CPEB3: variants seen among roughly 807,000 people sequenced by gnomAD.
CPEB3 encodes cytoplasmic polyadenylation element binding protein 3, also known as cytoplasmic polyadenylation element-binding protein 3.
Under a neutral mutation model 67.2 loss-of-function variants are expected in CPEB3, and 20 were observed. The ratio of observed to expected loss-of-function variants is 0.30; its 90% CI spans 0.21 to 0.43. The LOEUF (loss-of-function observed/expected upper bound fraction) is 0.43. Ranked by LOEUF, CPEB3 falls within the 20% of genes least tolerant of loss-of-function variation. The pLI is 1.00. For missense variants in CPEB3, 746 were observed against 968.6 expected, an observed-to-expected ratio of 0.77 and a Z score of 3.05; for synonymous variants, 376 against 393.1, an observed-to-expected ratio of 0.96 and a Z score of 0.51.
chr10:92,189,713 T>A (rs1848868540), intron 3 of CPEB3, among the ~76,000 whole-genome samples: 1 of 144,728 alleles, frequency 6.9e-6, no homozygotes, highest in Non-Finnish European at 1.5e-5. Context: ...TTTTTTTTTT[T>A]TTTTTTTTTT....
At chr10:92,234,357 C>A (rs1426495408) in intron 2 of CPEB3, among the ~76,000 whole-genome samples, 1 of 152,106 alleles carries the variant, frequency 6.6e-6, no homozygotes, top group Admixed American at 6.6e-5. Context: ...ACCGATGAAT[C>A]TTCATGGTGG....
chr10:92,175,307 T>A (rs1367359737), intron 4 of CPEB3, among the ~76,000 whole-genome samples: 1 of 151,832 alleles, frequency 6.6e-6, no homozygotes, highest in East Asian at 1.9e-4. Context: ...TGTTGCTGCA[T>A]GTATTAATAG....
At chr10:92,283,192 A>C (rs1433743406) in intron 1 of CPEB3, among the ~76,000 whole-genome samples, 1 of 152,136 alleles carries the variant, frequency 6.6e-6, no homozygotes, top group Non-Finnish European at 1.5e-5. Context: ...GCAAGGCCAC[A>C]GTGAGCCATG....
chr10:92,245,026 C>T (rs933087202), intron 1 of CPEB3, among the ~76,000 whole-genome samples: 1 of 151,990 alleles, frequency 6.6e-6, no homozygotes, highest in Non-Finnish European at 1.5e-5. Flanking sequence ...TATTTCCCTT[C>T]TTCACCAATC....
At chr10:92,059,952 C>CA (rs557616121) in intron 9 of CPEB3, among the ~76,000 whole-genome samples, 5,568 of 60,502 alleles carry the variant, frequency 0.092, 406 homozygotes, top group African/African-American at 0.23. Flanking sequence ...CGAGACTCCT[C>CA]AAAAAAAAAA....
chr10:92,071,517 G>T (rs891606511), intron 9 of CPEB3, among the ~76,000 whole-genome samples: 7 of 152,020 alleles, frequency 4.6e-5, no homozygotes, highest in African/African-American at 7.3e-5. Context: ...GGATCACGAG[G>T]TCAGGAGTTC....
At chr10:92,270,949 G>A (rs1376832249) in intron 1 of CPEB3, among the ~76,000 whole-genome samples, 4 of 152,176 alleles carry the variant, frequency 2.6e-5, no homozygotes, top group Non-Finnish European at 4.4e-5. Flanking sequence ...GGCCAAGGCG[G>A]GTGGATCCCC....
intron 3 of CPEB3, among the ~76,000 whole-genome samples, chr10:92,182,869 G>A (rs1008440201): frequency 2.0e-5 from 3 of 148,976 alleles, no homozygotes; most frequent in Non-Finnish European, 4.4e-5. Flanking sequence ...CAAAACCCTC[G>A]CAAGTGAAGC....
chr10:92,254,505 G>A (rs923677114), intron 1 of CPEB3, among the ~76,000 whole-genome samples: 1 of 152,144 alleles, frequency 6.6e-6, no homozygotes, highest in Non-Finnish European at 1.5e-5. Context: ...ACAATCTGGA[G>A]AGCACCTTGG....
At chr10:92,272,100 T>C (rs898609530) in intron 1 of CPEB3, 1 of 152,224 alleles carries the variant, frequency 6.6e-6, no homozygotes, top group Non-Finnish European at 1.5e-5. Context: ...TGGTCATTGG[T>C]GTCCCTTCCA....
chr10:92,288,488 C>G (rs193097648), intron 1 of CPEB3, among the ~76,000 whole-genome samples: 100 of 150,138 alleles, frequency 6.7e-4, no homozygotes, highest in Admixed American at 1.5e-3. Flanking sequence ...AATAATGCTG[C>G]TATGAACATT....
At chr10:92,069,779 A>C (rs1289046174) in intron 9 of CPEB3, among the ~76,000 whole-genome samples, 1 of 152,240 alleles carries the variant, frequency 6.6e-6, no homozygotes, top group Non-Finnish European at 1.5e-5. Context: ...CCCAACATGA[A>C]GCTAAAATAG....
intron 1 of CPEB3, among the ~76,000 whole-genome samples, chr10:92,275,860 TTTTTTTG>T (rs1841956906): frequency 6.7e-6 from 1 of 148,630 alleles, no homozygotes. Flanking sequence ...TTTTTTTTTT[TTTTTTTG>T]AGACGAAGTC....
intron 9 of CPEB3, 139 bp from the exon 10 acceptor site, chr10:92,052,578 G>C: frequency 1.5e-6 from 1 of 667,714 alleles, no homozygotes; most frequent in Non-Finnish European, 2.5e-6. Flanking sequence ...CTGGATGGTG[G>C]TTGAGAGCAT....
intron 1 of CPEB3, 77 bp from the exon 2 acceptor site, chr10:92,240,438 C>G (rs188182460): frequency 1.3e-4 from 174 of 1,357,400 alleles, no homozygotes; most frequent in South Asian, 2.5e-4. Context: ...GCGGGTGTTT[C>G]ACTTGCGAAA....
intron 2 of CPEB3, among the ~76,000 whole-genome samples, chr10:92,230,043 T>C (rs1851192613): frequency 6.7e-6 from 1 of 149,782 alleles, no homozygotes; most frequent in African/African-American, 2.5e-5. Context: ...CGAAACTCCG[T>C]CTAAAAAAAA....
chr10:92,223,817 C>T (rs992253412), intron 2 of CPEB3, among the ~76,000 whole-genome samples: 2 of 150,324 alleles, frequency 1.3e-5, no homozygotes, highest in African/African-American at 4.9e-5. Context: ...GATGTGATCT[C>T]GGCTCACTGC....
At chr10:92,078,627 T>C (rs986377861) in intron 9 of CPEB3, among the ~76,000 whole-genome samples, 1 of 152,224 alleles carries the variant, frequency 6.6e-6, no homozygotes, top group African/African-American at 2.4e-5. Flanking sequence ...ATATAAACAG[T>C]ATATGGTTAA....
chr10:92,174,300 A>G (rs1349249391), intron 4 of CPEB3, among the ~76,000 whole-genome samples: 1 of 152,208 alleles, frequency 6.6e-6, no homozygotes, highest in Non-Finnish European at 1.5e-5. Flanking sequence ...CCCAACACAA[A>G]TGTTCATGTC....
Sources: gnomAD v4.1 joint callset for allele counts (sites outside exome capture counted in the v4.1 genomes callset) on GRCh38, gnomAD v4.1.1 for gene constraint, MANE v1.5 for transcripts, NCBI Gene and HGNC (gene_info 2026-07-23, HGNC 2026-07-21) for gene names.